The following TSPAN5 variants were observed in gnomAD, a reference collection of about 807,000 sequenced individuals.
The protein encoded by TSPAN5 is tetraspanin-5.
In TSPAN5, 10 loss-of-function variants were observed where a neutral mutation model predicts 37.1. That is an observed-to-expected ratio of 0.27 (90% CI 0.17 to 0.46). The LOEUF (loss-of-function observed/expected upper bound fraction) is 0.46, where lower values mean the gene tolerates loss of function less well. TSPAN5 is among the 20% of genes least tolerant of loss of function. The probability of loss-of-function intolerance (pLI) is 1.00; values close to 1 mark genes in which losing one functional copy is unlikely to be tolerated. For missense variants in TSPAN5, 195 were observed against 326.6 expected, an observed-to-expected ratio of 0.60 and a Z score of 3.11; for synonymous variants, 110 against 118.9, an observed-to-expected ratio of 0.93 and a Z score of 0.48.
intron 1 of TSPAN5, among the ~76,000 whole-genome samples, chr4:98,579,151 A>G (rs941503654): frequency 1.3e-5 from 2 of 152,148 alleles, no homozygotes; most frequent in Non-Finnish European, 2.9e-5. Flanking sequence ...GGCATAGTCA[A>G]CTGCAACACA....
chr4:98,658,054 C>T, intron 1 of TSPAN5, 92 bp downstream of exon 1: 1 of 1,147,270 alleles, frequency 8.7e-7, no homozygotes. Context: ...GCCTGCGGGG[C>T]TGCGAAAAGT....
intron 1 of TSPAN5, among the ~76,000 whole-genome samples, chr4:98,519,360 A>G (rs907004226): frequency 6.6e-6 from 1 of 152,074 alleles, no homozygotes; most frequent in Non-Finnish European, 1.5e-5. Flanking sequence ...TTAGCCGGGC[A>G]TGGTGGTATG....
chr4:98,538,414 C>T (rs1404233400), intron 1 of TSPAN5, among the ~76,000 whole-genome samples: 1 of 152,140 alleles, frequency 6.6e-6, no homozygotes, highest in Non-Finnish European at 1.5e-5. Flanking sequence ...GCTCCTTAGT[C>T]CACAAAAAGG....
Sources: gnomAD v4.1 joint callset for allele counts (sites outside exome capture counted in the v4.1 genomes callset) on GRCh38, gnomAD v4.1.1 for gene constraint, MANE v1.5 for transcripts, NCBI Gene and HGNC (gene_info 2026-07-23, HGNC 2026-07-21) for gene names.